The following IL1RAPL2 variants were observed in gnomAD, a reference collection of about 807,000 sequenced individuals.
The protein encoded by IL1RAPL2 is X-linked interleukin-1 receptor accessory protein-like 2.
In IL1RAPL2, 3 loss-of-function variants were observed where a neutral mutation model predicts 44.1. The ratio of observed to expected loss-of-function variants is 0.07; its 90% confidence interval spans 0.03 to 0.18. The LOEUF is 0.18. IL1RAPL2 is among the 10% of genes least tolerant of loss of function. The probability of loss-of-function intolerance (pLI) is 1.00; values close to 1 mark genes in which losing one functional copy is unlikely to be tolerated. For missense variants in IL1RAPL2, 391 were observed against 496.4 expected (o/e 0.79, Z 2.02); for synonymous variants, 181 against 178.8 (o/e 1.01, Z -0.10).
rs764275148 is a variant in IL1RAPL2 at position 105,054,178 on chromosome X, T to TACACAC, written c.83-141292_83-141287dup. Among the ~76,000 whole-genome samples, 451 of 110,082 alleles carry TACACAC rather than the reference T, an allele frequency of 4.1e-3. 1 individual carries two copies. Among genetic ancestry groups the TACACAC allele is most frequent in the Non-Finnish European group, 6.8e-3 (357 of 52,677 alleles). On this transcript the variant is annotated intron_variant, in intron 2 of 10. Transcript: ENST00000372582. ...ACACACACACACACATACACACGCATACACACACACTCACACTGAGACCAC... is the reference window on the plus strand; with the variant it reads ...ACACACACACACACATACACACGCATACACACACACACACACTCACACTGAGACCAC...
At chrX:105,683,547 AC>A (rs200104245) in intron 6 of IL1RAPL2, among the ~76,000 whole-genome samples, 33,699 of 97,720 alleles carry the variant, frequency 0.34, 4,035 homozygotes, top group African/African-American at 0.38. Context: ...AATAGAACCT[AC>A]AAAAAAAAAA....
chrX:105,316,284 A>T (rs1350921380), intron 5 of IL1RAPL2, among the ~76,000 whole-genome samples: 2 of 111,562 alleles, frequency 1.8e-5, no homozygotes, highest in Non-Finnish European at 3.8e-5. Flanking sequence ...AAAAAATAAA[A>T]ATAAATAAAT....
chrX:105,533,122 G>A (rs995913518), intron 6 of IL1RAPL2, among the ~76,000 whole-genome samples: 3 of 110,880 alleles, frequency 2.7e-5, no homozygotes, highest in Non-Finnish European at 3.8e-5. Flanking sequence ...CCTGGGAGGC[G>A]GAGGTTGCAG....
intron 2 of IL1RAPL2, among the ~76,000 whole-genome samples, chrX:104,945,734 T>A (rs1464643147): frequency 8.9e-6 from 1 of 112,228 alleles, no homozygotes; most frequent in African/African-American, 3.2e-5. Context: ...AATTTTAGAA[T>A]ACGCCAATGA....
At chrX:104,656,805 A>G (rs1355245147) in intron 1 of IL1RAPL2, among the ~76,000 whole-genome samples, 2 of 111,504 alleles carry the variant, frequency 1.8e-5, no homozygotes, top group East Asian at 5.7e-4. Flanking sequence ...ATTGCATGGC[A>G]GTCTACGTCT....
chrX:105,320,113 A>G (rs2034886459), intron 5 of IL1RAPL2, among the ~76,000 whole-genome samples: 1 of 110,983 alleles, frequency 9.0e-6, no homozygotes, highest in Admixed American at 9.7e-5. Flanking sequence ...ATCATGGTTA[A>G]CTAACAGGAT....
At chrX:105,553,989 CCA>C (rs2036878600) in intron 6 of IL1RAPL2, among the ~76,000 whole-genome samples, 1 of 113,052 alleles carries the variant, frequency 8.8e-6, no homozygotes, top group Non-Finnish European at 1.9e-5. Context: ...GCCTAAGATA[CCA>C]CAGTCATTCT....
intron 1 of IL1RAPL2, among the ~76,000 whole-genome samples, chrX:104,587,897 G>A (rs1432002475): frequency 2.7e-5 from 3 of 111,985 alleles, no homozygotes; most frequent in Non-Finnish European, 5.6e-5. Flanking sequence ...GAAGAAGGGA[G>A]CAGGATTGCT....
At chrX:105,290,249 T>A (rs1329661585) in intron 5 of IL1RAPL2, among the ~76,000 whole-genome samples, 1 of 111,605 alleles carries the variant, frequency 9.0e-6, no homozygotes, top group Non-Finnish European at 1.9e-5. Flanking sequence ...TAAGATATGG[T>A]CTCTGCCTTT....
chrX:105,281,410 C>T (rs1208524737), intron 5 of IL1RAPL2, among the ~76,000 whole-genome samples: 1 of 111,703 alleles, frequency 9.0e-6, no homozygotes, highest in Admixed American at 9.5e-5. Flanking sequence ...TACCCCAGAA[C>T]TTAAAGTATA....
chrX:105,389,363 C>A (rs1238921678), intron 5 of IL1RAPL2, among the ~76,000 whole-genome samples: 1 of 112,130 alleles, frequency 8.9e-6, no homozygotes, highest in Admixed American at 9.5e-5. Context: ...AGAAGCTAGG[C>A]TGTAAATTGC....
chrX:104,854,652 ATTTT>A (rs371393922), intron 2 of IL1RAPL2, among the ~76,000 whole-genome samples: 2 of 101,008 alleles, frequency 2.0e-5, no homozygotes, highest in Non-Finnish European at 4.1e-5. Context: ...AAGAGAAAGA[ATTTT>A]TTTTTTTTTT....
At chrX:105,533,203 A>C (rs1336529341) in intron 6 of IL1RAPL2, among the ~76,000 whole-genome samples, 1 of 112,121 alleles carries the variant, frequency 8.9e-6, no homozygotes, top group South Asian at 3.7e-4. Flanking sequence ...AAAATAAAAA[A>C]ATAAAAAATA....
intron 2 of IL1RAPL2, among the ~76,000 whole-genome samples, chrX:105,109,405 A>G (rs2032779119): frequency 1.8e-5 from 2 of 112,525 alleles, no homozygotes; most frequent in South Asian, 7.3e-4. Flanking sequence ...TATCTATACA[A>G]TGGAATATTA....
At chrX:105,731,819 A>G (rs2038408645) in intron 7 of IL1RAPL2, among the ~76,000 whole-genome samples, 1 of 111,159 alleles carries the variant, frequency 9.0e-6, no homozygotes, top group Admixed American at 9.6e-5. Context: ...GGGGAGGAAG[A>G]GAGGTTGGTT....
At chrX:105,695,151 C>T (rs2147534191) in intron 6 of IL1RAPL2, among the ~76,000 whole-genome samples, 1 of 111,812 alleles carries the variant, frequency 8.9e-6, no homozygotes, top group East Asian at 2.8e-4. Context: ...TTAAAGTTAT[C>T]AAAAAACTGC....
intron 2 of IL1RAPL2, among the ~76,000 whole-genome samples, chrX:104,760,534 T>C (rs1167002110): frequency 8.9e-6 from 1 of 112,093 alleles, no homozygotes; most frequent in Non-Finnish European, 1.9e-5. Context: ...TGATTATCAG[T>C]AATGTTGAGC....
intron 2 of IL1RAPL2, among the ~76,000 whole-genome samples, chrX:104,808,698 G>T (rs1343414): frequency 8.0e-5 from 9 of 111,947 alleles, no homozygotes; most frequent in African/African-American, 2.9e-4. Flanking sequence ...ACAATCTTGC[G>T]GGAGATGGGG....
At chrX:104,865,076 G>T (rs1224694719) in intron 2 of IL1RAPL2, among the ~76,000 whole-genome samples, 5 of 111,197 alleles carry the variant, frequency 4.5e-5, no homozygotes, top group African/African-American at 1.6e-4. Context: ...CCCCCACATT[G>T]GCTCCCTGAC....
Sources: gnomAD v4.1 joint callset for allele counts (sites outside exome capture counted in the v4.1 genomes callset) on GRCh38, gnomAD v4.1.1 for gene constraint, MANE v1.5 for transcripts, NCBI Gene and HGNC (gene_info 2026-07-23, HGNC 2026-07-21) for gene names.